The following CAMK2D variants were observed in gnomAD, a reference collection of about 807,000 sequenced individuals.
The protein encoded by CAMK2D is calcium/calmodulin-dependent protein kinase type II subunit delta.
In CAMK2D, 37 loss-of-function variants were observed where a neutral mutation model predicts 84.0. The ratio of observed to expected loss-of-function variants is 0.44; its 90% confidence interval spans 0.34 to 0.58. CAMK2D has a LOEUF of 0.58. CAMK2D is among the 20% of genes least tolerant of loss of function. The pLI, the probability that CAMK2D is intolerant of heterozygous loss-of-function variation, is 0.02. For missense variants in CAMK2D, 448 were observed against 652.5 expected (o/e 0.69, Z 3.41); for synonymous variants, 202 against 212.5 (o/e 0.95, Z 0.43).
intron 20 of CAMK2D, 38 bp from the exon 21 acceptor site, chr4:113,454,553 T>G (rs571949510): frequency 4.3e-5 from 33 of 776,420 alleles, no homozygotes; most frequent in Non-Finnish European, 7.0e-5. Context: ...TAAATTATAT[T>G]GTTTTACAAA....
intron 16 of CAMK2D, among the ~76,000 whole-genome samples, chr4:113,479,691 C>T (rs1170711371): frequency 6.6e-6 from 1 of 152,166 alleles, no homozygotes; most frequent in African/African-American, 2.4e-5. Flanking sequence ...GGTATTTATG[C>T]ACATAGGTTG....
At chr4:113,508,262 T>C in intron 13 of CAMK2D, 9 of 1,548,028 alleles carry the variant, frequency 5.8e-6, no homozygotes, top group Non-Finnish European at 7.9e-6. Context: ...GAACTGGACT[T>C]CCTTTTCTGA....
At chr4:113,645,330 A>C (rs759002726) in intron 3 of CAMK2D, among the ~76,000 whole-genome samples, 3 of 152,124 alleles carry the variant, frequency 2.0e-5, no homozygotes, top group Admixed American at 6.6e-5. Context: ...TGTTTTTTAC[A>C]TCTTGAGATG....
At position 113,687,081 on chromosome 4, in the gene CAMK2D, A is replaced by T. The variant is rs569114949; in HGVS notation, c.161-25309T>A. Among the ~76,000 whole-genome samples, 7 of 152,350 alleles carry T rather than the reference A, an allele frequency of 4.6e-5. No individual in the cohort carries two copies. In the South Asian group the frequency reaches 1.2e-3, roughly 27 times the overall value. ...ATTCACCTGGTAACCAGCCATGAGC[A>T]CATGCATTCTCTTCTTTGAACTGAT... On this transcript the variant is annotated intron_variant, in intron 2 of 20. Coordinates refer to ENST00000511664, the MANE Select transcript of CAMK2D (RefSeq NM_001321571.2).
chr4:113,612,423 A>C (rs2099004252), intron 3 of CAMK2D, among the ~76,000 whole-genome samples: 1 of 152,222 alleles, frequency 6.6e-6, no homozygotes, highest in Non-Finnish European at 1.5e-5. Flanking sequence ...TTCACACCAA[A>C]GGAATAACAC....
At chr4:113,685,606 T>A (rs1593006438) in intron 2 of CAMK2D, among the ~76,000 whole-genome samples, 1 of 152,120 alleles carries the variant, frequency 6.6e-6, no homozygotes, top group Non-Finnish European at 1.5e-5. Context: ...GTATAAATTA[T>A]GAAAAATTAG....
Position 113,715,959 on chromosome 4 carries a change from T to C in CAMK2D, c.160+43361A>G, listed in dbSNP as rs1163356479. Among the ~76,000 whole-genome samples the C allele has an allele frequency of 2.0e-5, 3 of 152,154 alleles. No homozygotes were observed. In the East Asian group the frequency reaches 5.8e-4, roughly 29 times the overall value. The stretch of plus-strand genomic sequence containing the variant: ...AATGCCAGAAACAGAGAAAAAGCCA[T>C]ACTTGTGCCACATCACCGGAGACTG... On this transcript the variant is annotated intron_variant, in intron 2 of 20. Transcript: ENST00000511664.
At chr4:113,672,730 T>C (rs1354437912) in intron 2 of CAMK2D, among the ~76,000 whole-genome samples, 1 of 151,914 alleles carries the variant, frequency 6.6e-6, no homozygotes, top group East Asian at 1.9e-4. Context: ...TTCTATATTC[T>C]TTGTTTACCA....
At chr4:113,759,745 G>A (rs1234742621) in intron 1 of CAMK2D, among the ~76,000 whole-genome samples, 1 of 152,204 alleles carries the variant, frequency 6.6e-6, no homozygotes, top group East Asian at 1.9e-4. Context: ...GCACAGAACA[G>A]AGCAGACGAG....
chr4:113,672,768 C>A (rs375661246), intron 2 of CAMK2D, among the ~76,000 whole-genome samples: 2 of 151,744 alleles, frequency 1.3e-5, no homozygotes, highest in Non-Finnish European at 2.9e-5. Flanking sequence ...ATTTCCTATA[C>A]ATACACACAC....
chr4:113,756,538 G>A (rs537017760), intron 2 of CAMK2D, among the ~76,000 whole-genome samples: 2 of 151,984 alleles, frequency 1.3e-5, no homozygotes, highest in East Asian at 1.9e-4. Context: ...GCCTTTGAAC[G>A]TATTCATTAT....
chr4:113,650,517 CA>C (rs34938947), intron 3 of CAMK2D, among the ~76,000 whole-genome samples: 1,369 of 86,826 alleles, frequency 0.016, 22 homozygotes, highest in African/African-American at 0.036. Flanking sequence ...AACTCCATCT[CA>C]AAAAAAAAAA....
intron 2 of CAMK2D, among the ~76,000 whole-genome samples, chr4:113,749,665 C>A (rs2099612748): frequency 1.3e-5 from 2 of 152,022 alleles, no homozygotes; most frequent in Admixed American, 6.5e-5. Flanking sequence ...TAAAGTGGTG[C>A]TGATGGACAC....
intron 13 of CAMK2D, among the ~76,000 whole-genome samples, chr4:113,505,604 C>T (rs1254575690): frequency 3.2e-5 from 2 of 63,442 alleles, no homozygotes; most frequent in Non-Finnish European, 6.9e-5. Flanking sequence ...ATTACATCTT[C>T]AATTATTAGT....
intron 8 of CAMK2D, among the ~76,000 whole-genome samples, chr4:113,522,270 GAC>G (rs1407724345): frequency 6.6e-6 from 1 of 152,174 alleles, no homozygotes; most frequent in East Asian, 1.9e-4. Context: ...AAGAATCTAA[GAC>G]AGTTACTGAA....
chr4:113,687,171 A>C (rs1422145698), intron 2 of CAMK2D, among the ~76,000 whole-genome samples: 1 of 152,206 alleles, frequency 6.6e-6, no homozygotes, highest in Non-Finnish European at 1.5e-5. Flanking sequence ...TCCCCATTTG[A>C]AAAAAATAAT....
At chr4:113,758,735 T>C (rs1035182503) in intron 2 of CAMK2D, among the ~76,000 whole-genome samples, 6 of 152,180 alleles carry the variant, frequency 3.9e-5, no homozygotes, top group African/African-American at 1.4e-4. Flanking sequence ...ATGTGTAAAA[T>C]ACATTACATG....
At chr4:113,497,187 A>T (rs1313499736) in intron 16 of CAMK2D, among the ~76,000 whole-genome samples, 2 of 151,914 alleles carry the variant, frequency 1.3e-5, no homozygotes, top group East Asian at 3.9e-4. Flanking sequence ...TATTGTATTA[A>T]GTAAGATAAA....
At chr4:113,513,135 C>T (rs1315216922) in intron 12 of CAMK2D, 193 bp downstream of exon 12, 5 of 982,632 alleles carry the variant, frequency 5.1e-6, no homozygotes, top group South Asian at 4.7e-5. Context: ...CACGGAGGCT[C>T]GGCAGCAGAC....
Sources: gnomAD v4.1 joint callset for allele counts (sites outside exome capture counted in the v4.1 genomes callset) on GRCh38, gnomAD v4.1.1 for gene constraint, MANE v1.5 for transcripts, NCBI Gene and HGNC (gene_info 2026-07-23, HGNC 2026-07-21) for gene names.